The following GFRA1 variants were observed in gnomAD, a reference collection of about 807,000 sequenced individuals.
GFRA1 encodes the protein GDNF family receptor alpha-1.
Under a neutral mutation model 51.6 loss-of-function variants are expected in GFRA1, and 16 were observed. That is an observed-to-expected ratio of 0.31 (90% CI 0.21 to 0.47). The LOEUF (loss-of-function observed/expected upper bound fraction) is 0.47, where lower values mean the gene tolerates loss of function less well. Ranked by LOEUF, GFRA1 falls within the 20% of genes least tolerant of loss-of-function variation. The pLI is 1.00. For missense variants in GFRA1, 530 were observed against 594.3 expected (o/e 0.89, Z 1.13); for synonymous variants, 270 against 241.3 (o/e 1.12, Z -1.10).
intron 6 of GFRA1, among the ~76,000 whole-genome samples, chr10:116,113,452 T>C (rs1957291544): frequency 6.6e-6 from 1 of 152,184 alleles, no homozygotes; most frequent in Non-Finnish European, 1.5e-5. Flanking sequence ...AAATGAACTA[T>C]GTTTGCCAAA....
At chr10:116,261,896 C>G (rs1969329012) in intron 4 of GFRA1, among the ~76,000 whole-genome samples, 1 of 152,184 alleles carries the variant, frequency 6.6e-6, no homozygotes, top group Non-Finnish European at 1.5e-5. Flanking sequence ...CCTGCAGACA[C>G]TGGCCCAAGG....
chr10:116,132,927 T>C (rs1160891309), intron 5 of GFRA1, among the ~76,000 whole-genome samples: 2 of 152,176 alleles, frequency 1.3e-5, no homozygotes, highest in Non-Finnish European at 2.9e-5. Flanking sequence ...CCTTCTCGCC[T>C]GCGTGGGAAG....
At chr10:116,137,764 C>T (rs902007438) in intron 5 of GFRA1, among the ~76,000 whole-genome samples, 4 of 152,140 alleles carry the variant, frequency 2.6e-5, no homozygotes, top group Non-Finnish European at 5.9e-5. Context: ...GAAGAAATGT[C>T]CATCTTAATA....
At chr10:116,228,559 G>A (rs750609888) in intron 4 of GFRA1, among the ~76,000 whole-genome samples, 1 of 152,126 alleles carries the variant, frequency 6.6e-6, no homozygotes, top group African/African-American at 2.4e-5. Flanking sequence ...TTACTTAGGT[G>A]GGCCCAGCCT....
At chr10:116,218,432 G>A (rs1482323999) in intron 4 of GFRA1, among the ~76,000 whole-genome samples, 4 of 152,204 alleles carry the variant, frequency 2.6e-5, no homozygotes, top group Non-Finnish European at 5.9e-5. Flanking sequence ...TGAGAAAAGA[G>A]TTCCATTGCT....
At chr10:116,201,696 T>C (rs989188699) in intron 5 of GFRA1, among the ~76,000 whole-genome samples, 2 of 152,082 alleles carry the variant, frequency 1.3e-5, no homozygotes, top group Non-Finnish European at 2.9e-5. Flanking sequence ...AGTGAAACCG[T>C]TGGTGCTTAG....
intron 6 of GFRA1, among the ~76,000 whole-genome samples, chr10:116,112,752 G>A (rs911649101): frequency 1.5e-4 from 23 of 152,184 alleles, no homozygotes; most frequent in Non-Finnish European, 2.5e-4. Flanking sequence ...GCCCCGGAGC[G>A]ACCGCACAGC....
chr10:116,112,261 T>G (rs1394006473), intron 6 of GFRA1, among the ~76,000 whole-genome samples: 1 of 152,134 alleles, frequency 6.6e-6, no homozygotes, highest in East Asian at 1.9e-4. Context: ...TGGCATTCCC[T>G]CTCCAAGCTG....
Position 116,069,188 on chromosome 10 carries a change from A to G in GFRA1, c.1198-3562T>C, listed in dbSNP as rs114006477. Among the ~76,000 whole-genome samples, 1,067 of 152,330 alleles carry G rather than the reference A, an allele frequency of 7.0e-3. 13 individuals carry two copies. Among genetic ancestry groups the G allele is most frequent in the African/African-American group, 0.024 (1,001 of 41,578 alleles). On this transcript the variant is annotated intron_variant, in intron 9 of 10. Coordinates refer to ENST00000355422, the MANE Select transcript of GFRA1 (RefSeq NM_005264.8). ...TTTTAACATGATATGTCTTTTAACA[A>G]GAGATGAAGAAGAGAAGATGCGTTT...
At chr10:116,225,712 C>T (rs1966249689) in intron 4 of GFRA1, among the ~76,000 whole-genome samples, 1 of 151,560 alleles carries the variant, frequency 6.6e-6, no homozygotes, top group African/African-American at 2.4e-5. Flanking sequence ...GCCTCAGCTC[C>T]CCAAGGAGCT....
chr10:116,274,336 C>G (rs1188184820), upstream of GFRA1, among the ~76,000 whole-genome samples: 1 of 152,196 alleles, frequency 6.6e-6, no homozygotes, highest in Non-Finnish European at 1.5e-5. Flanking sequence ...ATCAAATCTG[C>G]GTGCGCCCAG....
chr10:116,084,262 A>G (rs1955989628), intron 9 of GFRA1, among the ~76,000 whole-genome samples: 2 of 152,162 alleles, frequency 1.3e-5, no homozygotes, highest in African/African-American at 4.8e-5. Flanking sequence ...GATTATCCAC[A>G]TGGACCCTTC....
At chr10:116,200,773 T>C (rs1018199214) in intron 5 of GFRA1, among the ~76,000 whole-genome samples, 2 of 152,224 alleles carry the variant, frequency 1.3e-5, no homozygotes, top group African/African-American at 4.8e-5. Context: ...TATGACCTAA[T>C]TATCCCCAAA....
chr10:116,255,535 T>G, intron 4 of GFRA1: 1 of 1,100,468 alleles, frequency 9.1e-7, no homozygotes, highest in Admixed American at 3.2e-5. Context: ...GTTTCCACCA[T>G]GTTCACATCC....
At chr10:116,107,153 C>T (rs1193430294) in intron 6 of GFRA1, among the ~76,000 whole-genome samples, 1 of 152,178 alleles carries the variant, frequency 6.6e-6, no homozygotes, top group Non-Finnish European at 1.5e-5. Flanking sequence ...CTAATATACT[C>T]AGGCTGAATG....
intron 6 of GFRA1, among the ~76,000 whole-genome samples, chr10:116,121,180 A>G (rs943264852): frequency 2.6e-5 from 4 of 152,136 alleles, no homozygotes; most frequent in Non-Finnish European, 5.9e-5. Flanking sequence ...TTTAAATTAC[A>G]CAGATTTGCA....
intron 5 of GFRA1, among the ~76,000 whole-genome samples, chr10:116,133,375 G>A (rs1047287514): frequency 6.6e-6 from 1 of 152,102 alleles, no homozygotes; most frequent in Non-Finnish European, 1.5e-5. Context: ...TCTTGGCCAT[G>A]GGAGGTATAA....
intron 9 of GFRA1, among the ~76,000 whole-genome samples, chr10:116,085,517 C>T (rs1342333893): frequency 8.3e-6 from 1 of 119,890 alleles, no homozygotes; most frequent in Non-Finnish European, 2.2e-5. Context: ...TTTCTAGGAC[C>T]CCCATCCTCC....
intron 4 of GFRA1, among the ~76,000 whole-genome samples, chr10:116,239,801 C>T (rs1169136961): frequency 6.6e-6 from 1 of 152,124 alleles, no homozygotes; most frequent in Non-Finnish European, 1.5e-5. Flanking sequence ...AATTTAACAA[C>T]AAAAACCTTA....
Sources: gnomAD v4.1 joint callset for allele counts (sites outside exome capture counted in the v4.1 genomes callset) on GRCh38, gnomAD v4.1.1 for gene constraint, MANE v1.5 for transcripts, NCBI Gene and HGNC (gene_info 2026-07-23, HGNC 2026-07-21) for gene names.